LARGE1: variants seen among roughly 807,000 people sequenced by gnomAD.
LARGE1 encodes the protein xylosyl- and glucuronyltransferase LARGE1.
A neutral mutation model predicts 87.6 loss-of-function variants in LARGE1; 43 were observed. That is an observed-to-expected ratio of 0.49 (90% CI 0.38 to 0.63). LARGE1 has a LOEUF of 0.63. Ranked by LOEUF, LARGE1 falls within the 30% of genes least tolerant of loss-of-function variation. The probability of loss-of-function intolerance (pLI) is 0.00; values close to 1 mark genes in which losing one functional copy is unlikely to be tolerated. For synonymous variants in LARGE1, 434 were observed against 394.6 expected (o/e 1.10, Z -1.18); for missense variants, 802 against 1,000.2 (o/e 0.80, Z 2.67).
At chr22:33,866,793 GCAGA>G (rs1196121678) in intron 1 of LARGE1, among the ~76,000 whole-genome samples, 1 of 152,076 alleles carries the variant, frequency 6.6e-6, no homozygotes, top group African/African-American at 2.4e-5. Context: ...CCCAAACATA[GCAGA>G]CACTCAGTCC....
chr22:33,563,433 T>G lies in LARGE1; in HGVS notation c.787+1415A>C, dbSNP rs769752238. Among the ~76,000 whole-genome samples the G allele has an allele frequency of 7.9e-5, 12 of 152,306 alleles. No individual in the cohort carries two copies. The East Asian group carries it at 1.9e-3, about 24-fold the overall frequency. On this transcript the variant is annotated intron_variant, in intron 6 of 14. Transcript: ENST00000397394. ...CCAGTAGGGATTCGATAAACGCCAG[T>G]TGAAGAAATGCATCACTGAACACTC...
At chr22:33,748,138 T>G (rs1452537427) in intron 2 of LARGE1, among the ~76,000 whole-genome samples, 1 of 149,624 alleles carries the variant, frequency 6.7e-6, no homozygotes, top group Non-Finnish European at 1.5e-5. Context: ...CAGGTTTGTT[T>G]TTTTTTTTTT....
At chr22:33,347,163 A>G (rs1001990361) in intron 9 of LARGE1, among the ~76,000 whole-genome samples, 1 of 152,226 alleles carries the variant, frequency 6.6e-6, no homozygotes, top group Non-Finnish European at 1.5e-5. Context: ...AAGCATTCCT[A>G]ACATAACACC....
intron 12 of LARGE1, among the ~76,000 whole-genome samples, chr22:33,296,655 G>A (rs891136015): frequency 4.1e-5 from 6 of 147,214 alleles, no homozygotes; most frequent in Non-Finnish European, 7.4e-5. Flanking sequence ...CGCAATGTCT[G>A]CCTCCGAGGT....
the LARGE1 span, among the ~76,000 whole-genome samples, chr22:33,081,596 A>G: frequency 6.6e-6 from 1 of 152,234 alleles, no homozygotes; most frequent in Non-Finnish European, 1.5e-5. Context: ...ATTTTTTCAA[A>G]CTTTTTGAGA....
intron 2 of LARGE1, among the ~76,000 whole-genome samples, chr22:33,667,039 G>A (rs2081287755): frequency 6.6e-6 from 1 of 152,174 alleles, no homozygotes; most frequent in African/African-American, 2.4e-5. Flanking sequence ...TCACATAGGA[G>A]ACCTCTCTCT....
intron 2 of LARGE1, among the ~76,000 whole-genome samples, chr22:33,664,427 T>C (rs1355978674): frequency 1.3e-5 from 2 of 152,210 alleles, no homozygotes; most frequent in South Asian, 4.1e-4. Flanking sequence ...TCTTAAAATA[T>C]ACCCTGGATA....
At chr22:33,439,679 C>T (rs944814189) in intron 6 of LARGE1, among the ~76,000 whole-genome samples, 3 of 152,218 alleles carry the variant, frequency 2.0e-5, no homozygotes, top group African/African-American at 7.2e-5. Flanking sequence ...ACTCAGACTT[C>T]TTTCCAAAGT....
At chr22:33,282,283 C>T (rs914301656) in intron 13 of LARGE1, among the ~76,000 whole-genome samples, 3 of 152,116 alleles carry the variant, frequency 2.0e-5, no homozygotes, top group Non-Finnish European at 2.9e-5. Context: ...AGGCGGAGGT[C>T]GCAGTGAGCC....
intron 8 of LARGE1, among the ~76,000 whole-genome samples, chr22:33,383,790 G>A (rs1047650266): frequency 6.6e-6 from 1 of 152,170 alleles, no homozygotes; most frequent in Non-Finnish European, 1.5e-5. Flanking sequence ...TGGGAAATAT[G>A]CTGTGGCATT....
chr22:33,704,964 A>T (rs1289248609), intron 2 of LARGE1: 1 of 152,330 alleles, frequency 6.6e-6, no homozygotes, highest in Admixed American at 6.5e-5. Context: ...AGGAGGACCC[A>T]GGCACAAGAA....
At chr22:33,421,210 A>AATC (rs1569149070) in intron 7 of LARGE1, among the ~76,000 whole-genome samples, 66 of 141,674 alleles carry the variant, frequency 4.7e-4, no homozygotes, top group Admixed American at 1.6e-3. Flanking sequence ...AAATAAAATA[A>AATC]AATCAATCAA....
intron 1 of LARGE1, among the ~76,000 whole-genome samples, chr22:33,823,231 C>T (rs1404348459): frequency 2.0e-5 from 3 of 152,178 alleles, no homozygotes; most frequent in Non-Finnish European, 2.9e-5. Flanking sequence ...GACCATAGCA[C>T]ATACCTTGGC....
chr22:33,082,569 G>C, the LARGE1 span, among the ~76,000 whole-genome samples: 3 of 152,132 alleles, frequency 2.0e-5, no homozygotes, highest in African/African-American at 7.2e-5. Context: ...AGAAGTCTGA[G>C]CAATCTACGC....
At chr22:33,406,949 C>T (rs962080614) in intron 7 of LARGE1, among the ~76,000 whole-genome samples, 11 of 152,088 alleles carry the variant, frequency 7.2e-5, no homozygotes, top group South Asian at 2.1e-4. Flanking sequence ...CCCGCCACCA[C>T]GCCCAGCAAA....
intron 1 of LARGE1, among the ~76,000 whole-genome samples, chr22:33,804,013 G>T (rs2086239364): frequency 6.6e-6 from 1 of 152,152 alleles, no homozygotes; most frequent in Admixed American, 6.5e-5. Flanking sequence ...AGTCAGGATT[G>T]TTATGTTAAC....
intron 1 of LARGE1, among the ~76,000 whole-genome samples, chr22:33,865,122 G>A (rs1405212484): frequency 2.0e-5 from 3 of 152,198 alleles, no homozygotes; most frequent in Admixed American, 6.5e-5. Context: ...CTGCTTCCAC[G>A]TCTGTGCAGG....
rs1257584745 is a variant in LARGE1, at chr22:33,470,090, C to T, written c.788-37825G>A. On this transcript the variant is annotated intron_variant, in intron 6 of 14. Transcript: ENST00000397394. ...ATTTTTTAGTAGAGATGGGGTTTCA[C>T]CACGTTAGCCAGGATGGTCTTGATC... 3.3e-5 allele frequency among the ~76,000 whole-genome samples: 5 copies of T among 151,796 alleles called. No individual in the cohort carries two copies. The South Asian group carries it at 6.3e-4, about 19-fold the overall frequency.
chr22:33,600,725 G>A (rs145467938), intron 5 of LARGE1, among the ~76,000 whole-genome samples: 60 of 152,278 alleles, frequency 3.9e-4, no homozygotes, highest in African/African-American at 1.4e-3. Context: ...AGGAGCCAGC[G>A]TCCGCAGAGA....
Sources: gnomAD v4.1 joint callset for allele counts (sites outside exome capture counted in the v4.1 genomes callset) on GRCh38, gnomAD v4.1.1 for gene constraint, MANE v1.5 for transcripts, NCBI Gene and HGNC (gene_info 2026-07-23, HGNC 2026-07-21) for gene names.